The following DCDC1 variants were observed in gnomAD, a reference collection of about 807,000 sequenced individuals.
DCDC1 encodes doublecortin domain containing 1.
In DCDC1, 200 loss-of-function variants were observed where a neutral mutation model predicts 178.3. The observed-to-expected ratio is 1.12, with a 90% CI of 1.00 to 1.26. The LOEUF is 1.26. Ranked by LOEUF, DCDC1 falls within the 50% of genes most tolerant of loss-of-function variation. The pLI is 0.00. For missense variants in DCDC1, 1,983 were observed against 1,749.2 expected (o/e 1.13, Z -2.38); for synonymous variants, 690 against 604.8 (o/e 1.14, Z -2.07).
intron 20 of DCDC1, among the ~76,000 whole-genome samples, chr11:31,058,967 C>G (rs1296600775): frequency 6.6e-6 from 1 of 152,008 alleles, no homozygotes; most frequent in Non-Finnish European, 1.5e-5. Context: ...TTGGGGGCTG[C>G]AAGTTTGAAG....
intron 9 of DCDC1, among the ~76,000 whole-genome samples, chr11:31,150,725 A>G (rs1018021899): frequency 7.1e-6 from 1 of 141,534 alleles, no homozygotes; most frequent in Non-Finnish European, 1.5e-5. Flanking sequence ...CTATGTCCAC[A>G]CTTTCTCCAA....
chr11:31,333,082 A>G (rs1950084892), intron 2 of DCDC1, among the ~76,000 whole-genome samples: 1 of 152,192 alleles, frequency 6.6e-6, no homozygotes, highest in African/African-American at 2.4e-5. Context: ...GGGTGCATAT[A>G]TATCTATGCT....
intron 20 of DCDC1, among the ~76,000 whole-genome samples, chr11:31,037,278 T>C (rs368881894): frequency 5.3e-5 from 8 of 152,154 alleles, no homozygotes; most frequent in African/African-American, 1.9e-4. Context: ...ACTTGGTTTT[T>C]CCCAGAGACT....
chr11:31,210,343 G>A lies in DCDC1; in HGVS notation c.1221+31107C>T, dbSNP rs942822193. Among the ~76,000 whole-genome samples the A allele has an allele frequency of 3.1e-4, 47 of 152,168 alleles. 1 individual carries two copies. The highest frequency in any genetic ancestry group is 1.1e-3 in the African/African-American group (45 of 41,448). On this transcript the variant is annotated intron_variant, in intron 9 of 38. Transcript: ENST00000684477. ...TACTCCTGTGTGAGTCCCAAAGTAGGTACGAAAGGAATGTTTATTGACTGA... is the reference window on the plus strand; with the variant it reads ...TACTCCTGTGTGAGTCCCAAAGTAGATACGAAAGGAATGTTTATTGACTGA...
At chr11:31,051,768 C>G (rs1408184556) in intron 20 of DCDC1, among the ~76,000 whole-genome samples, 1 of 152,070 alleles carries the variant, frequency 6.6e-6, no homozygotes, top group African/African-American at 2.4e-5. Flanking sequence ...TTCAGACAAA[C>G]AAATGGTGAG....
At position 30,864,720 on chromosome 11, in the gene DCDC1, G is replaced by A; in HGVS notation, c.*653C>T. ...CTCTAGGCACTTATCATTTAGTTGG[G>A]GAGACAAAACATGCAGTCAGTGTAT... On this transcript the variant is annotated 3_prime_UTR_variant, in exon 39 of 39. Coordinates refer to ENST00000684477, the MANE Select transcript of DCDC1 (RefSeq NM_001387274.1). 1 of 151,578 alleles carries A rather than the reference G, an allele frequency of 6.6e-6. No individual in the cohort carries two copies. Among genetic ancestry groups the A allele is most frequent in the East Asian group, 1.9e-4 (1 of 5,156 alleles). 9.4% of individuals were successfully genotyped at this position (151,578 alleles called of 1,614,324 possible). A position where few individuals can be genotyped will look rare whatever the true frequency, so the allele number is the denominator to read the frequency against.
At chr11:31,351,182 T>G (rs1272102374) in intron 1 of DCDC1, among the ~76,000 whole-genome samples, 1 of 152,106 alleles carries the variant, frequency 6.6e-6, no homozygotes, top group African/African-American at 2.4e-5. Context: ...GAAAAGGTAC[T>G]AATTTAAGCC....
At chr11:31,091,251 A>G (rs1957803554) in intron 17 of DCDC1, 142 bp downstream of exon 17, 1 of 551,420 alleles carries the variant, frequency 1.8e-6, no homozygotes, top group South Asian at 2.4e-5. Context: ...CTTTGGATTC[A>G]GAAATTAATA....
intron 20 of DCDC1, among the ~76,000 whole-genome samples, chr11:31,032,475 C>T (rs924350017): frequency 5.9e-5 from 9 of 151,408 alleles, no homozygotes; most frequent in African/African-American, 1.9e-4. Context: ...ACAAATAACA[C>T]GTCAGATTGA....
At chr11:31,290,990 C>T in intron 6 of DCDC1, 138 bp from the exon 7 acceptor site, 2 of 739,310 alleles carry the variant, frequency 2.7e-6, no homozygotes, top group South Asian at 4.0e-5. Context: ...TGAAATGCTA[C>T]CACCAGTTTC....
At chr11:30,932,115 A>C (rs1332053738) in intron 21 of DCDC1, among the ~76,000 whole-genome samples, 163 bp from the exon 22 acceptor site, 2 of 152,178 alleles carry the variant, frequency 1.3e-5, no homozygotes, top group African/African-American at 4.8e-5. Flanking sequence ...TTAATGTTTT[A>C]TTTGAAGAGG....
intron 8 of DCDC1, among the ~76,000 whole-genome samples, chr11:31,251,051 C>T (rs569618047): frequency 6.6e-6 from 1 of 152,228 alleles, no homozygotes; most frequent in Admixed American, 6.5e-5. Flanking sequence ...CCATGCCCAG[C>T]CCCCTAATTT....
At chr11:30,969,363 G>C (rs1470597661) in intron 20 of DCDC1, among the ~76,000 whole-genome samples, 1 of 152,164 alleles carries the variant, frequency 6.6e-6, no homozygotes, top group South Asian at 2.1e-4. Context: ...AAAGATTAAA[G>C]TGATGAGGCC....
intron 20 of DCDC1, among the ~76,000 whole-genome samples, chr11:30,981,200 G>A (rs928912834): frequency 1.3e-5 from 2 of 152,034 alleles, no homozygotes; most frequent in Non-Finnish European, 2.9e-5. Flanking sequence ...CGGAGAGGGT[G>A]GAAAGAGAGC....
intron 20 of DCDC1, among the ~76,000 whole-genome samples, chr11:31,003,323 T>C (rs1951677028): frequency 6.6e-6 from 1 of 152,072 alleles, no homozygotes; most frequent in South Asian, 2.1e-4. Flanking sequence ...GGGGGAAGCA[T>C]TTTAATAAAT....
intron 9 of DCDC1, among the ~76,000 whole-genome samples, chr11:31,186,533 C>A (rs1248355891): frequency 1.3e-5 from 2 of 152,146 alleles, no homozygotes; most frequent in African/African-American, 2.4e-5. Flanking sequence ...AGAACAGCCT[C>A]AGTGCCACTC....
chr11:31,051,210 A>T (rs1955225825), intron 20 of DCDC1, among the ~76,000 whole-genome samples: 1 of 152,206 alleles, frequency 6.6e-6, no homozygotes, highest in South Asian at 2.1e-4. Context: ...AGAACTGAAC[A>T]AGTAGAAGAA....
intron 33 of DCDC1, among the ~76,000 whole-genome samples, 189 bp from the exon 34 acceptor site, chr11:30,899,831 G>GT (rs994759247): frequency 4.6e-5 from 7 of 152,062 alleles, no homozygotes; most frequent in South Asian, 2.1e-4. Flanking sequence ...GAGTGGAGGG[G>GT]TAAAAAAAAG....
chr11:31,028,477 G>A (rs2135257751), intron 20 of DCDC1, among the ~76,000 whole-genome samples: 1 of 151,906 alleles, frequency 6.6e-6, no homozygotes, highest in African/African-American at 2.4e-5. Context: ...CTTTTTTACT[G>A]CAATTTCACA....
Sources: gnomAD v4.1 joint callset for allele counts (sites outside exome capture counted in the v4.1 genomes callset) on GRCh38, gnomAD v4.1.1 for gene constraint, MANE v1.5 for transcripts, NCBI Gene and HGNC (gene_info 2026-07-23, HGNC 2026-07-21) for gene names.